The following CCN5 variants were observed in gnomAD, a reference collection of about 807,000 sequenced individuals.
CCN5 encodes the protein cellular communication network factor 5.
In CCN5, 17 loss-of-function variants were observed where a neutral mutation model predicts 18.7. The ratio of observed to expected loss-of-function variants is 0.91; its 90% CI spans 0.62 to 1.36. The LOEUF is 1.36. CCN5 is among the 40% of genes most tolerant of loss of function. The probability of loss-of-function intolerance (pLI) is 0.00; values close to 1 mark genes in which losing one functional copy is unlikely to be tolerated. For missense variants in CCN5, 367 were observed against 342.9 expected (o/e 1.07, Z -0.56); for synonymous variants, 135 against 145.2 (o/e 0.93, Z 0.50).
intron 2 of CCN5, 164 bp downstream of exon 2, chr20:44,720,277 C>A: frequency 1.4e-6 from 1 of 699,912 alleles, no homozygotes; most frequent in Non-Finnish European, 2.4e-6. Context: ...CCACTCCCCA[C>A]TCCCTCCTCT....
intron 1 of CCN5, among the ~76,000 whole-genome samples, chr20:44,718,977 C>T (rs2065879009): frequency 6.6e-6 from 1 of 152,202 alleles, no homozygotes; most frequent in African/African-American, 2.4e-5. Flanking sequence ...TGATGTACCT[C>T]CAGAGCTGGG....
rs776465798 is a variant in CCN5 at position 44,724,936 on chromosome 20, C to T, written c.476C>T (p.Pro159Leu). Reference sequence around the variant, plus strand: ...GTCGAGGTCCTGGGCAAGTGCTGCCCTGAGTGGGTGTGCGGCCAAGGAGGG... The same window carrying T: ...GTCGAGGTCCTGGGCAAGTGCTGCCTTGAGTGGGTGTGCGGCCAAGGAGGG... Reference protein sequence around the residue: ...RRVEVLGKCCPEWVCGQGGGL... With the variant: ...RRVEVLGKCCLEWVCGQGGGL... The change falls in exon 3 of 4, where the codon CCT (proline) becomes CTT (leucine). Residue 159 changes from proline (P) to leucine (L), a missense_variant. By Grantham distance (98) the Pro-to-Leu change is moderately conservative. Coordinates refer to ENST00000190983, the MANE Select transcript of CCN5 (RefSeq NM_003881.4). 1.3e-6 allele frequency: 2 copies of T among 1,597,706 alleles called. No individual in the cohort carries two copies. Among genetic ancestry groups the T allele is most frequent in the Non-Finnish European group, 8.5e-7 (1 of 1,173,800 alleles).
At chr20:44,719,827 G>A in intron 1 of CCN5, 70 bp from the exon 2 acceptor site, 1 of 1,491,216 alleles carries the variant, frequency 6.7e-7, no homozygotes. Flanking sequence ...TGGCAGAGAA[G>A]TGGCTGGTTG....
At chr20:44,720,197 C>A (rs1258499669) in intron 2 of CCN5, 84 bp downstream of exon 2, 4 of 1,372,484 alleles carry the variant, frequency 2.9e-6, no homozygotes, top group Non-Finnish European at 4.0e-6. Flanking sequence ...TGCAGCCCTC[C>A]TCTCTCTACC....
Position 44,727,107 on chromosome 20 carries a change from G to C in CCN5, c.553G>C (p.Val185Leu), listed in dbSNP as rs1443495243. 6.3e-7 allele frequency: 1 copy of C among 1,597,534 alleles called. No individual in the cohort carries two copies. The highest frequency in any genetic ancestry group is 1.7e-5 in the Admixed American group (1 of 58,690). Residue 185 changes from valine (V) to leucine (L), a missense_variant, in exon 4 of 4, where the codon GTC (valine) becomes CTC (leucine). Physicochemically the swap from Val to Leu is conservative, Grantham distance 32. Coordinates refer to ENST00000190983, the MANE Select transcript of CCN5 (RefSeq NM_003881.4). Reference sequence around the variant, plus strand: ...CCTAGGACCCCAGTTTTCTGGCCTTGTCTCTTCCCTGCCCCCTGGTGTCCC... The same window carrying C: ...CCTAGGACCCCAGTTTTCTGGCCTTCTCTCTTCCCTGCCCCCTGGTGTCCC... Reference protein sequence around the residue: ...PAQGPQFSGLVSSLPPGVPCP... With the variant: ...PAQGPQFSGLLSSLPPGVPCP...
At chr20:44,720,810 T>G (rs1044555205) in intron 2 of CCN5, 2 of 152,292 alleles carry the variant, frequency 1.3e-5, no homozygotes, top group African/African-American at 4.8e-5. Flanking sequence ...TCTCTGATGC[T>G]TCGGGGCAGG....
At chr20:44,720,150 G>A in intron 2 of CCN5, 37 bp downstream of exon 2, 1 of 1,532,456 alleles carries the variant, frequency 6.5e-7, no homozygotes, top group South Asian at 1.2e-5. Context: ...GGGCGGGTGT[G>A]AGCGGGAGGT....
chr20:44,722,825 C>T (rs972061258), intron 2 of CCN5, among the ~76,000 whole-genome samples: 2 of 152,052 alleles, frequency 1.3e-5, no homozygotes, highest in Non-Finnish European at 1.5e-5. Flanking sequence ...GCAAATTCAT[C>T]GTGTATTTCC....
chr20:44,725,078 T>C (rs1182322655), intron 3 of CCN5, 86 bp downstream of exon 3: 2 of 1,426,684 alleles, frequency 1.4e-6, no homozygotes, highest in Non-Finnish European at 1.8e-6. Context: ...GGCGGCTTCC[T>C]GGGTACCAGG....
intron 3 of CCN5, among the ~76,000 whole-genome samples, chr20:44,725,425 C>T (rs953133828): frequency 6.6e-6 from 1 of 150,420 alleles, no homozygotes; most frequent in Non-Finnish European, 1.5e-5. Flanking sequence ...CCGACAAGCA[C>T]GAAACTTCAT....
chr20:44,718,077 C>G (rs1008160589), intron 1 of CCN5, among the ~76,000 whole-genome samples: 3 of 152,100 alleles, frequency 2.0e-5, no homozygotes, highest in African/African-American at 7.2e-5. Context: ...ATCTGAACAG[C>G]CTGCAGCGAT....
At chr20:44,718,918 C>A (rs565849872) in intron 1 of CCN5, among the ~76,000 whole-genome samples, 4 of 152,240 alleles carry the variant, frequency 2.6e-5, no homozygotes, top group African/African-American at 9.6e-5. Flanking sequence ...ATTTTGTAAG[C>A]CCCAGAGTGG....
chr20:44,719,561 C>T (rs367661058), intron 1 of CCN5, among the ~76,000 whole-genome samples: 21 of 152,068 alleles, frequency 1.4e-4, no homozygotes, highest in African/African-American at 4.1e-4. Context: ...GGCTGAGGCA[C>T]GAGAGTCGCT....
chr20:44,724,763 G>A lies in CCN5; in HGVS notation c.303G>A (p.Glu101=), dbSNP rs1406085977. Residue 101 remains glutamate, a synonymous_variant, in exon 3 of 4, where the codon GAG becomes GAA. Transcript: ENST00000190983. ...CLLAEDDSSC[E]VNGRLYREGE... ...TGGCAGAGGACGACAGCAGCTGTGA[G>A]GTGAACGGCCGCCTGTATCGGGAAG... 2 of 1,612,758 alleles carry A rather than the reference G, an allele frequency of 1.2e-6. No homozygotes were observed. Among genetic ancestry groups the A allele is most frequent in the East Asian group, 2.2e-5 (1 of 44,886 alleles).
rs769020342 is a variant in CCN5 at position 44,724,711 on chromosome 20, G to T, written c.278-27G>T. ...AGGCTGTGCCGCTTTGCGGGTCACC[G>T]ATGGGGGTGCGGTTTTTCCTCCGCA... On this transcript the variant is annotated intron_variant, in intron 2 of 3. Transcript: ENST00000190983. 6 of 1,611,488 alleles carry T rather than the reference G, an allele frequency of 3.7e-6. No individual in the cohort carries two copies. In the East Asian group the frequency reaches 6.7e-5, roughly 18 times the overall value.
In CCN5 at chr20:44,724,953, C is replaced by G. The variant is rs895092276; in HGVS notation, c.493C>G (p.Gln165Glu). The part of the protein sequence containing the change: ...GKCCPEWVCG[Q>E]GGGLGTQPLP... The stretch of plus-strand genomic sequence containing the variant: ...GTGCTGCCCTGAGTGGGTGTGCGGC[C>G]AAGGAGGGGGACTGGGGACCCAGCC... The change falls in exon 3 of 4, where the codon CAA becomes GAA. Residue 165 changes from glutamine (Q) to glutamate (E), a missense_variant. By Grantham distance (29) the Gln-to-Glu change is conservative (BLOSUM62 2). Transcript: ENST00000190983. The G allele has an allele frequency of 1.9e-6, 3 of 1,596,538 alleles. No homozygotes were observed. The highest frequency in any genetic ancestry group is 1.7e-5 in the Admixed American group (1 of 57,614).
chr20:44,718,299 G>A (rs2065874251), intron 1 of CCN5, among the ~76,000 whole-genome samples: 2 of 152,206 alleles, frequency 1.3e-5, no homozygotes, highest in African/African-American at 4.8e-5. Context: ...GGGGCACTGG[G>A]CGGGGCAGAG....
At chr20:44,722,429 C>G (rs926479347) in intron 2 of CCN5, among the ~76,000 whole-genome samples, 3 of 151,378 alleles carry the variant, frequency 2.0e-5, no homozygotes, top group African/African-American at 7.3e-5. Flanking sequence ...GACTCAAGAC[C>G]TGGGAGTCGT....
intron 1 of CCN5, 32 bp from the exon 2 acceptor site, chr20:44,719,865 C>A: frequency 6.3e-7 from 1 of 1,599,830 alleles, no homozygotes; most frequent in Middle Eastern, 2.1e-4. Flanking sequence ...ACCTCGAAAG[C>A]CCGTGGCTGA....
Sources: allele counts gnomAD v4.1 joint callset (sites outside exome capture counted in the v4.1 genomes callset), GRCh38; gene constraint gnomAD v4.1.1; transcripts MANE v1.5; gene names NCBI Gene and HGNC (gene_info 2026-07-23, HGNC 2026-07-21).